The following KATNIP variants were observed in gnomAD, a reference collection of about 807,000 sequenced individuals.
KATNIP encodes katanin interacting protein.
Under a neutral mutation model 174.0 loss-of-function variants are expected in KATNIP, and 126 were observed. The ratio of observed to expected loss-of-function variants is 0.72; its 90% CI spans 0.63 to 0.84. The LOEUF (loss-of-function observed/expected upper bound fraction) is 0.84, where lower values mean the gene tolerates loss of function less well. Among genes scored for constraint, KATNIP ranks in the 40% least tolerant of loss-of-function variants. KATNIP has a pLI of 0.00. For missense variants in KATNIP, 1,958 were observed against 2,109.7 expected, an observed-to-expected ratio of 0.93 and a Z score of 1.41; for synonymous variants, 810 against 835.7, an observed-to-expected ratio of 0.97 and a Z score of 0.53.
At chr16:27,672,466 C>T (rs938112983) in intron 6 of KATNIP, among the ~76,000 whole-genome samples, 3 of 152,190 alleles carry the variant, frequency 2.0e-5, no homozygotes, top group Non-Finnish European at 4.4e-5. Flanking sequence ...TGTCTCCTCC[C>T]GCCCCACACT....
chr16:27,769,436 C>T (rs1245315080), intron 20 of KATNIP, among the ~76,000 whole-genome samples: 4 of 152,210 alleles, frequency 2.6e-5, no homozygotes, highest in Non-Finnish European at 4.4e-5. Flanking sequence ...GGGCACTTTA[C>T]GTAGGTTAAC....
In KATNIP at chr16:27,609,347, C is replaced by T. The variant is rs891804655; in HGVS notation, c.64-9078C>T. On this transcript the variant is annotated intron_variant, in intron 2 of 27. Coordinates refer to ENST00000261588, the MANE Select transcript of KATNIP (RefSeq NM_015202.5). ...GTTTCACTATGGTGGTCAGGGGAGA[C>T]GTCACTGAGAAGGGAATATCTGAGT... Among the ~76,000 whole-genome samples, 5 of 143,140 alleles carry T rather than the reference C, an allele frequency of 3.5e-5. No individual in the cohort carries two copies. The South Asian group carries it at 6.8e-4, about 20-fold the overall frequency. 93.9% of individuals were successfully genotyped at this position (143,140 alleles called of 152,430 possible). A position where few individuals can be genotyped will look rare whatever the true frequency, so the allele number is the denominator to read the frequency against.
intron 14 of KATNIP, among the ~76,000 whole-genome samples, chr16:27,731,478 G>A (rs547406663): frequency 6.6e-6 from 1 of 152,336 alleles, no homozygotes; most frequent in East Asian, 1.9e-4. Flanking sequence ...CTGCACAGCA[G>A]TCCTATGAGA....
chr16:27,695,876 T>C (rs938299515), intron 8 of KATNIP, among the ~76,000 whole-genome samples: 2 of 152,206 alleles, frequency 1.3e-5, no homozygotes, highest in Non-Finnish European at 2.9e-5. Flanking sequence ...TACCCATCCT[T>C]GGCAATAATC....
At chr16:27,592,706 AC>A (rs2141873501) in intron 2 of KATNIP, among the ~76,000 whole-genome samples, 1 of 152,144 alleles carries the variant, frequency 6.6e-6, no homozygotes, top group South Asian at 2.1e-4. Context: ...TGATAGAGGC[AC>A]CATCACGCCC....
chr16:27,569,533 G>A (rs2090210512), intron 1 of KATNIP, among the ~76,000 whole-genome samples: 1 of 152,230 alleles, frequency 6.6e-6, no homozygotes, highest in South Asian at 2.1e-4. Flanking sequence ...TTTGCAAGTG[G>A]CATATATTGA....
In KATNIP at chr16:27,750,371, A is replaced by G. The variant is rs2081460630; in HGVS notation, c.3346+65A>G. 2.6e-6 allele frequency: 4 copies of G among 1,509,542 alleles called. No homozygotes were observed. In the Admixed American group the frequency reaches 6.3e-5, roughly 24 times the overall value. 93.5% of individuals were successfully genotyped at this position (1,509,542 alleles called of 1,614,324 possible). ...TGTGACTTGCTGAGAGTCTATGGGA[A>G]AAAACAGACCAGCTGGCTAGCCAAC... On this transcript the variant is annotated intron_variant, in intron 16 of 27. Coordinates refer to ENST00000261588, the MANE Select transcript of KATNIP (RefSeq NM_015202.5).
chr16:27,550,762 G>A lies in KATNIP; in HGVS notation c.7+585G>A, dbSNP rs3760092. ...TCCATTTTACAGATGATGAAACTGA[G>A]GCTCAGAGGTGTTAAGGAACTTGCC... On this transcript the variant is annotated intron_variant, in intron 1 of 27. Transcript: ENST00000261588. Among the ~76,000 whole-genome samples the A allele has an allele frequency of 6.4e-4, 97 of 152,266 alleles. 1 individual carries two copies. The East Asian group carries it at 0.018, about 28-fold the overall frequency.
At chr16:27,737,973 C>T (rs940417134) in intron 14 of KATNIP, among the ~76,000 whole-genome samples, 7 of 152,032 alleles carry the variant, frequency 4.6e-5, no homozygotes, top group East Asian at 1.9e-4. Flanking sequence ...AGAAGCCCAA[C>T]GGGAGGAGGA....
chr16:27,561,605 C>T (rs980467980), intron 1 of KATNIP, among the ~76,000 whole-genome samples: 13 of 152,202 alleles, frequency 8.5e-5, no homozygotes, highest in African/African-American at 3.1e-4. Flanking sequence ...TAGCGCCTGG[C>T]AGGAAGTCAG....
At chr16:27,677,219 A>ACTAC (rs1292172337) in intron 6 of KATNIP, among the ~76,000 whole-genome samples, 1 of 152,210 alleles carries the variant, frequency 6.6e-6, no homozygotes, top group Non-Finnish European at 1.5e-5. Flanking sequence ...GCCCCTAACA[A>ACTAC]CTACCTGACA....
intron 2 of KATNIP, among the ~76,000 whole-genome samples, chr16:27,605,153 G>A (rs1344592583): frequency 6.6e-6 from 1 of 151,966 alleles, no homozygotes; most frequent in Non-Finnish European, 1.5e-5. Context: ...GGCTGGTCTC[G>A]AACTCCTGAC....
chr16:27,652,602 C>T (rs1176394384), intron 6 of KATNIP, among the ~76,000 whole-genome samples: 2 of 152,062 alleles, frequency 1.3e-5, no homozygotes, highest in African/African-American at 4.8e-5. Flanking sequence ...CGCTTAAGAT[C>T]AGGGGTTCGA....
intron 2 of KATNIP, among the ~76,000 whole-genome samples, chr16:27,611,202 T>C (rs1373270728): frequency 6.6e-6 from 1 of 152,190 alleles, no homozygotes; most frequent in East Asian, 1.9e-4. Flanking sequence ...GGCAAGTTGG[T>C]ATCTGAATAT....
At chr16:27,673,967 C>G (rs1208433535) in intron 6 of KATNIP, among the ~76,000 whole-genome samples, 1 of 152,068 alleles carries the variant, frequency 6.6e-6, no homozygotes, top group Non-Finnish European at 1.5e-5. Context: ...CTACTATGTG[C>G]CAGCCAGTGT....
At chr16:27,631,653 G>A (rs919174504) in intron 5 of KATNIP, among the ~76,000 whole-genome samples, 1 of 152,052 alleles carries the variant, frequency 6.6e-6, no homozygotes, top group Admixed American at 6.6e-5. Context: ...TCTGCTGCAC[G>A]GCCCTCCCCT....
chr16:27,750,280 C>T lies in KATNIP; in HGVS notation c.3320C>T (p.Ala1107Val). 6.2e-7 allele frequency: 1 copy of T among 1,612,946 alleles called. No individual in the cohort carries two copies. Among genetic ancestry groups the T allele is most frequent in the Non-Finnish European group, 8.5e-7 (1 of 1,179,242 alleles). The change falls in exon 16 of 28, where the codon GCC (alanine) becomes GTC (valine). Residue 1107 changes from alanine (A) to valine (V), a missense_variant. This residue lies in a region of KATNIP where 1,557 missense variants were observed against 1,617.8 expected (regional missense o/e 0.96). Coordinates refer to ENST00000261588, the MANE Select transcript of KATNIP (RefSeq NM_015202.5). ...CAGTGCATCTTTGAAGGAGAAATCG[C>T]CAAGGCCTCTGGAACCCTGGCGGGA... The part of the protein sequence containing the change: ...DTQCIFEGEI[A>V]KASGTLAGAP...
At chr16:27,616,043 A>G (rs2076025590) in intron 2 of KATNIP, among the ~76,000 whole-genome samples, 1 of 152,116 alleles carries the variant, frequency 6.6e-6, no homozygotes, top group East Asian at 1.9e-4. Context: ...CTGATATTGT[A>G]TCGTTAATCC....
intron 1 of KATNIP, among the ~76,000 whole-genome samples, chr16:27,572,263 T>A (rs1202093297): frequency 1.3e-5 from 2 of 149,940 alleles, no homozygotes; most frequent in African/African-American, 4.9e-5. Context: ...TAAAAAAAAT[T>A]TTTTTTTTTT....
Sources: allele counts gnomAD v4.1 joint callset (sites outside exome capture counted in the v4.1 genomes callset), GRCh38; gene constraint gnomAD v4.1.1; regional missense constraint gnomAD v4.1.1; transcripts MANE v1.5; gene names NCBI Gene and HGNC (gene_info 2026-07-23, HGNC 2026-07-21).